The following ELOVL6 variants were observed in gnomAD, a reference collection of about 807,000 sequenced individuals.
ELOVL6 encodes the protein very long chain fatty acid elongase 6.
ELOVL6 carries 8 observed loss-of-function variants against 31.7 expected under a neutral mutation model. The ratio of observed to expected loss-of-function variants is 0.25; its 90% CI spans 0.15 to 0.45. ELOVL6 has a LOEUF of 0.45. ELOVL6 is among the 20% of genes least tolerant of loss of function. ELOVL6 has a pLI of 1.00. For synonymous variants in ELOVL6, 101 were observed against 117.7 expected (o/e 0.86, Z 0.92); for missense variants, 126 against 326.4 (o/e 0.39, Z 4.73).
intron 1 of ELOVL6, among the ~76,000 whole-genome samples, chr4:110,174,523 C>T (rs2126274888): frequency 6.6e-6 from 1 of 152,234 alleles, no homozygotes; most frequent in East Asian, 1.9e-4. Context: ...TTTGAACATA[C>T]ATTTTTTAAA....
intron 1 of ELOVL6, among the ~76,000 whole-genome samples, chr4:110,181,049 G>T (rs1358182228): frequency 2.0e-5 from 3 of 151,770 alleles, no homozygotes; most frequent in Non-Finnish European, 4.4e-5. Context: ...GAGGCGGAAG[G>T]ATTGCTTGAG....
At chr4:110,074,860 C>A (rs930609068) in intron 2 of ELOVL6, among the ~76,000 whole-genome samples, 3 of 152,168 alleles carry the variant, frequency 2.0e-5, no homozygotes, top group Non-Finnish European at 2.9e-5. Context: ...TCCATTGCAT[C>A]CTCAAGTGTG....
chr4:110,139,742 A>C (rs1979469), intron 1 of ELOVL6, among the ~76,000 whole-genome samples: 1 of 151,968 alleles, frequency 6.6e-6, no homozygotes, highest in South Asian at 2.1e-4. Flanking sequence ...CACTTCAGCC[A>C]ACCTCTCATT....
chr4:110,183,318 A>G (rs1450559924), intron 1 of ELOVL6, among the ~76,000 whole-genome samples: 1 of 152,196 alleles, frequency 6.6e-6, no homozygotes, highest in Non-Finnish European at 1.5e-5. Flanking sequence ...AAAATATTTG[A>G]ACCCAGCTGT....
At position 110,084,415 on chromosome 4, in the gene ELOVL6, A is replaced by G. The variant is rs1229267631; in HGVS notation, c.221+21082T>C. On this transcript the variant is annotated intron_variant, in intron 2 of 3. Coordinates refer to ENST00000302274, the MANE Select transcript of ELOVL6 (RefSeq NM_024090.3). ...ATATGATATATGATATATGACATAC[A>G]TGATATATCACATATATCATATATG... Among the ~76,000 whole-genome samples, 17 of 91,430 alleles carry G rather than the reference A, an allele frequency of 1.9e-4. 1 individual carries two copies. The highest frequency in any genetic ancestry group is 5.5e-4 in the African/African-American group (13 of 23,444). 60.0% of individuals were successfully genotyped at this position (91,430 alleles called of 152,430 possible).
chr4:110,066,421 G>A (rs189571697), intron 2 of ELOVL6, among the ~76,000 whole-genome samples: 1 of 151,976 alleles, frequency 6.6e-6, no homozygotes, highest in East Asian at 1.9e-4. Flanking sequence ...CGGATCACGA[G>A]GTCAGGAGAT....
intron 1 of ELOVL6, among the ~76,000 whole-genome samples, chr4:110,158,651 A>ATT (rs1758535224): frequency 1.1e-5 from 1 of 89,962 alleles, no homozygotes; most frequent in Non-Finnish European, 1.9e-5. Context: ...ATATATATAT[A>ATT]TATATATTTT....
intron 2 of ELOVL6, among the ~76,000 whole-genome samples, chr4:110,087,765 AT>A (rs559600327): frequency 6.6e-6 from 1 of 150,856 alleles, no homozygotes. Context: ...TGAAGGAGTA[AT>A]TTTTTTTAAA....
intron 2 of ELOVL6, among the ~76,000 whole-genome samples, chr4:110,064,091 A>AG (rs1755226782): frequency 6.7e-6 from 1 of 150,072 alleles, no homozygotes; most frequent in African/African-American, 2.5e-5. Context: ...AAAAAAAAAA[A>AG]AAAGAAAGAA....
chr4:110,185,965 G>A (rs1334075751), intron 1 of ELOVL6, among the ~76,000 whole-genome samples: 1 of 152,128 alleles, frequency 6.6e-6, no homozygotes, highest in Non-Finnish European at 1.5e-5. Flanking sequence ...GCCGAGGTGG[G>A]CGGATCACAA....
At chr4:110,084,137 G>A (rs1249834676) in intron 2 of ELOVL6, among the ~76,000 whole-genome samples, 6 of 60,908 alleles carry the variant, frequency 9.9e-5, no homozygotes, top group Non-Finnish European at 9.9e-5. Flanking sequence ...ATGTGATAAT[G>A]ATATATATGA....
intron 2 of ELOVL6, among the ~76,000 whole-genome samples, chr4:110,077,719 A>G (rs1300202085): frequency 1.3e-5 from 2 of 152,234 alleles, no homozygotes; most frequent in East Asian, 1.9e-4. Context: ...CTCACCAGCA[A>G]TGGAACAAAG....
chr4:110,150,764 C>T (rs538350068), intron 1 of ELOVL6, among the ~76,000 whole-genome samples: 28 of 152,072 alleles, frequency 1.8e-4, no homozygotes, highest in African/African-American at 6.8e-4. Context: ...GTTTTAGGGC[C>T]GGGCACGGTG....
At chr4:110,122,357 A>G (rs964965041) in intron 1 of ELOVL6, among the ~76,000 whole-genome samples, 2 of 152,170 alleles carry the variant, frequency 1.3e-5, no homozygotes, top group Admixed American at 1.3e-4. Context: ...CAGATTTGGC[A>G]TCATCTCTAA....
intron 1 of ELOVL6, among the ~76,000 whole-genome samples, chr4:110,125,085 T>C (rs1284969956): frequency 6.6e-6 from 1 of 152,208 alleles, no homozygotes; most frequent in East Asian, 1.9e-4. Flanking sequence ...TGAATAAATA[T>C]TACTTTTAAA....
chr4:110,109,882 C>G (rs922707639), intron 1 of ELOVL6, among the ~76,000 whole-genome samples: 2 of 152,100 alleles, frequency 1.3e-5, no homozygotes, highest in African/African-American at 2.4e-5. Flanking sequence ...TCTTTCATGT[C>G]GTATCTACAT....
At chr4:110,105,906 A>C (rs73839576) in intron 1 of ELOVL6, among the ~76,000 whole-genome samples, 9,055 of 152,300 alleles carry the variant, frequency 0.059, 901 homozygotes, top group African/African-American at 0.2. Context: ...ACAACATAGC[A>C]TTGAAGTACA....
intron 1 of ELOVL6, among the ~76,000 whole-genome samples, chr4:110,115,580 C>CA (rs889796067): frequency 4.0e-4 from 61 of 151,072 alleles, no homozygotes; most frequent in African/African-American, 1.2e-3. Context: ...CCTGTCTCTA[C>CA]AAAAAAAAAC....
Position 110,100,008 on chromosome 4 carries a change from C to A in ELOVL6, c.221+5489G>T, listed in dbSNP as rs570148638. Among the ~76,000 whole-genome samples, 7 of 152,302 alleles carry A rather than the reference C, an allele frequency of 4.6e-5. No individual in the cohort carries two copies. The South Asian group carries it at 1.5e-3, about 32-fold the overall frequency. ...TTCACATAACCAGAATTGTTCTCAGCATTTACCCTAAGGAAATGTTCAAAC... is the reference window on the plus strand; with the variant it reads ...TTCACATAACCAGAATTGTTCTCAGAATTTACCCTAAGGAAATGTTCAAAC... On this transcript the variant is annotated intron_variant, in intron 2 of 3. Coordinates refer to ENST00000302274, the MANE Select transcript of ELOVL6 (RefSeq NM_024090.3).
Sources: gnomAD v4.1 joint callset for allele counts (sites outside exome capture counted in the v4.1 genomes callset) on GRCh38, gnomAD v4.1.1 for gene constraint, MANE v1.5 for transcripts, NCBI Gene and HGNC (gene_info 2026-07-23, HGNC 2026-07-21) for gene names.